ARID1B: variants seen among roughly 807,000 people sequenced by gnomAD.
The protein encoded by ARID1B is AT-rich interactive domain-containing protein 1B.
In ARID1B, 30 loss-of-function variants were observed where a neutral mutation model predicts 212.3. The ratio of observed to expected loss-of-function variants is 0.14; its 90% CI spans 0.11 to 0.19. The LOEUF (loss-of-function observed/expected upper bound fraction) is 0.19, where lower values mean the gene tolerates loss of function less well. ARID1B is among the 10% of genes least tolerant of loss of function. The probability of loss-of-function intolerance (pLI) is 1.00; values close to 1 mark genes in which losing one functional copy is unlikely to be tolerated. For synonymous variants in ARID1B, 1,402 were observed against 1,301.7 expected, an observed-to-expected ratio of 1.08 and a Z score of -1.66; for missense variants, 2,891 against 3,204.0, an observed-to-expected ratio of 0.90 and a Z score of 2.36.
At chr6:156,794,359 C>A (rs1780207918) in intron 1 of ARID1B, among the ~76,000 whole-genome samples, 1 of 151,920 alleles carries the variant, frequency 6.6e-6, no homozygotes, top group African/African-American at 2.4e-5. Context: ...AAGCAATCCT[C>A]CCACCGCAGC....
intron 4 of ARID1B, among the ~76,000 whole-genome samples, chr6:157,083,454 GC>G (rs1251955071): frequency 6.6e-6 from 1 of 152,170 alleles, no homozygotes; most frequent in Non-Finnish European, 1.5e-5. Flanking sequence ...GCCATGGGGG[GC>G]ACACCAGTGA....
chr6:156,786,751 A>G (rs549601410), intron 1 of ARID1B, among the ~76,000 whole-genome samples: 1 of 152,314 alleles, frequency 6.6e-6, no homozygotes, highest in Admixed American at 6.5e-5. Flanking sequence ...TTTCTTAATC[A>G]GCCCTGTGCC....
chr6:156,927,258 C>A (rs578065933), intron 3 of ARID1B, among the ~76,000 whole-genome samples: 5 of 152,238 alleles, frequency 3.3e-5, no homozygotes, highest in African/African-American at 1.2e-4. Context: ...CATCTCCTCT[C>A]CTTCTCGTCC....
intron 4 of ARID1B, among the ~76,000 whole-genome samples, chr6:157,074,347 C>T (rs777739457): frequency 3.9e-5 from 6 of 152,250 alleles, no homozygotes; most frequent in Middle Eastern, 3.4e-3. Context: ...GTGCCTCAGC[C>T]TCCTGAGTAG....
chr6:157,099,463 C>G (rs1785907397), intron 5 of ARID1B, among the ~76,000 whole-genome samples: 1 of 152,098 alleles, frequency 6.6e-6, no homozygotes, highest in African/African-American at 2.4e-5. Flanking sequence ...AAGGGTCTGT[C>G]TTACCCTCGC....
intron 3 of ARID1B, among the ~76,000 whole-genome samples, chr6:156,915,054 CA>C (rs1412016057): frequency 6.6e-6 from 1 of 152,128 alleles, no homozygotes; most frequent in Non-Finnish European, 1.5e-5. Context: ...TTTAATCATT[CA>C]AAAAATCTTT....
rs543085984 is a variant in ARID1B at position 157,178,273 on chromosome 6, G to GA, written c.3505-2686dup. On this transcript the variant is annotated intron_variant, in intron 11 of 19. Transcript: ENST00000636930. The stretch of plus-strand genomic sequence containing the variant: ...TTGTCCATTGGAGTAATCACTCATG[G>GA]AAAAAAAAAATGCTATCACAGCCCT... 2.2e-3 allele frequency among the ~76,000 whole-genome samples: 328 copies of GA among 149,208 alleles called. 5 individuals are homozygous for GA. The South Asian group carries it at 0.026, about 12-fold the overall frequency.
At chr6:157,061,352 G>C (rs901617034) in intron 4 of ARID1B, among the ~76,000 whole-genome samples, 1 of 152,108 alleles carries the variant, frequency 6.6e-6, no homozygotes, top group African/African-American at 2.4e-5. Context: ...TTACTTATCT[G>C]CAGCACTTAG....
intron 4 of ARID1B, among the ~76,000 whole-genome samples, chr6:157,005,696 T>C (rs967743787): frequency 3.9e-5 from 6 of 152,178 alleles, no homozygotes; most frequent in African/African-American, 1.4e-4. Context: ...CACATCCCAA[T>C]ACCGTAAAGT....
intron 2 of ARID1B, among the ~76,000 whole-genome samples, chr6:156,847,365 G>A (rs974647003): frequency 2.0e-5 from 3 of 152,158 alleles, no homozygotes; most frequent in Non-Finnish European, 4.4e-5. Flanking sequence ...GTTTAGATTC[G>A]CCAGGAAAAG....
intron 3 of ARID1B, among the ~76,000 whole-genome samples, chr6:156,920,552 T>C (rs984639028): frequency 1.9e-4 from 29 of 152,212 alleles, no homozygotes; most frequent in African/African-American, 6.5e-4. Context: ...ACAAGCTCTA[T>C]GTATATTGTA....
chr6:157,048,774 G>C (rs1332801406), intron 4 of ARID1B, among the ~76,000 whole-genome samples: 3 of 152,208 alleles, frequency 2.0e-5, no homozygotes, highest in Admixed American at 6.5e-5. Context: ...GAATCACTAA[G>C]CAGAGAGTTT....
chr6:157,171,336 T>C (rs1291253013), intron 9 of ARID1B, among the ~76,000 whole-genome samples: 1 of 152,256 alleles, frequency 6.6e-6, no homozygotes. Flanking sequence ...CTTTACATAC[T>C]GGATTACTCG....
chr6:156,938,896 T>G (rs1243158737), intron 4 of ARID1B: 4 of 152,354 alleles, frequency 2.6e-5, no homozygotes, highest in Admixed American at 1.3e-4. Context: ...AGTTATGTTT[T>G]CCAGCTAACT....
chr6:156,971,785 C>G (rs969536211), intron 4 of ARID1B, among the ~76,000 whole-genome samples: 1 of 152,152 alleles, frequency 6.6e-6, no homozygotes, highest in Non-Finnish European at 1.5e-5. Flanking sequence ...TCTCTCTGAT[C>G]CCTCTTTAAG....
chr6:157,011,656 A>G (rs17088015), intron 4 of ARID1B, among the ~76,000 whole-genome samples: 2,959 of 152,306 alleles, frequency 0.019, 81 homozygotes, highest in African/African-American at 0.065. Flanking sequence ...TTGTAGTTGC[A>G]TTTTATTTAT....
At chr6:157,007,578 G>C (rs1342393103) in intron 4 of ARID1B, among the ~76,000 whole-genome samples, 2 of 152,168 alleles carry the variant, frequency 1.3e-5, no homozygotes, top group East Asian at 3.8e-4. Flanking sequence ...ACTAGAATTT[G>C]AAATATTAAA....
chr6:157,011,035 T>G (rs1358290290), intron 4 of ARID1B, among the ~76,000 whole-genome samples: 1 of 152,204 alleles, frequency 6.6e-6, no homozygotes, highest in East Asian at 1.9e-4. Context: ...GGTGTGTGTT[T>G]TTTAAGTTTT....
intron 4 of ARID1B, among the ~76,000 whole-genome samples, chr6:156,996,318 C>G (rs1018589697): frequency 1.3e-5 from 2 of 152,144 alleles, no homozygotes; most frequent in African/African-American, 4.8e-5. Context: ...TGATGAGACT[C>G]TAGGGCAACC....
Sources: gnomAD v4.1 joint callset for allele counts (sites outside exome capture counted in the v4.1 genomes callset) on GRCh38, gnomAD v4.1.1 for gene constraint, MANE v1.5 for transcripts, NCBI Gene and HGNC (gene_info 2026-07-23, HGNC 2026-07-21) for gene names.